The following LPP variants were observed in gnomAD, a reference collection of about 807,000 sequenced individuals.
LPP encodes lipoma-preferred partner.
A neutral mutation model predicts 60.4 loss-of-function variants in LPP; 38 were observed. The ratio of observed to expected loss-of-function variants is 0.63; its 90% CI spans 0.49 to 0.83. LPP has a LOEUF of 0.83. Among genes scored for constraint, LPP ranks in the 40% least tolerant of loss-of-function variants. The pLI is 0.00. For synonymous variants in LPP, 328 were observed against 290.8 expected (o/e 1.13, Z -1.30); for missense variants, 902 against 783.6 (o/e 1.15, Z -1.80).
chr3:188,328,200 A>G (rs1164110236), intron 2 of LPP, among the ~76,000 whole-genome samples: 1 of 152,174 alleles, frequency 6.6e-6, no homozygotes, highest in African/African-American at 2.4e-5. Context: ...TGGAATGTGA[A>G]ATCATATTAA....
At position 188,484,616 on chromosome 3, in the gene LPP, C is replaced by T. The variant is rs370834290; in HGVS notation, c.218C>T (p.Pro73Leu). 3 of 1,613,790 alleles carry T rather than the reference C, an allele frequency of 1.9e-6. No individual in the cohort carries two copies. Among genetic ancestry groups the T allele is most frequent in the Admixed American group, 3.3e-5 (2 of 60,022 alleles). ...GEGDFLPPPP[P>L]PLDDSSALPS... is the part of the protein sequence containing the mutation. Reference sequence around the variant, plus strand: ...GGTGATTTTCTTCCACCCCCACCTCCACCTCTAGATGATTCCAGTGCCCTT... The same window carrying T: ...GGTGATTTTCTTCCACCCCCACCTCTACCTCTAGATGATTCCAGTGCCCTT... The change falls in exon 5 of 12, where the codon CCA becomes CTA. Residue 73 changes from proline (P) to leucine (L), a missense_variant. Pro to Leu is a moderately conservative substitution (Grantham distance 98). Coordinates refer to ENST00000617246, the MANE Select transcript of LPP (RefSeq NM_001375462.1).
chr3:188,462,544 TTATATATATATATATATA>T (rs71167102), intron 4 of LPP, among the ~76,000 whole-genome samples: 1,106 of 34,214 alleles, frequency 0.032, 37 homozygotes, highest in Middle Eastern at 0.095. Flanking sequence ...TATATGAGCT[TTATATATATATATATATA>T]TATATATATA....
intron 6 of LPP, among the ~76,000 whole-genome samples, chr3:188,548,658 AAG>A (rs1827289077): frequency 6.6e-6 from 1 of 152,196 alleles, no homozygotes; most frequent in Non-Finnish European, 1.5e-5. Context: ...AAGAAGAGGA[AAG>A]AGAAGGCAGA....
At chr3:188,664,601 ATGTGTGTGTGTGTGTCTGTGTG>A (rs1560031131) in intron 7 of LPP, among the ~76,000 whole-genome samples, 1 of 150,804 alleles carries the variant, frequency 6.6e-6, no homozygotes, top group African/African-American at 2.4e-5. Flanking sequence ...ATATATGTGT[ATGTGTGTGTGTGTGTCTGTGTG>A]TGTGTGTGTG....
chr3:188,180,708 G>A (rs1026068055), intron 1 of LPP: 2 of 152,212 alleles, frequency 1.3e-5, no homozygotes, highest in Non-Finnish European at 2.9e-5. Flanking sequence ...ATGTGCATTT[G>A]CATTTTACTG....
At position 188,866,332 on chromosome 3, in the gene LPP, A is replaced by T. The variant is rs995610177; in HGVS notation, c.1543A>T (p.Thr515Ser). The change falls in exon 10 of 12, where the codon ACT becomes TCT. Residue 515 changes from threonine to serine, a missense_variant. Coordinates refer to ENST00000617246, the MANE Select transcript of LPP (RefSeq NM_001375462.1). ...CCGCAGCCTGGATGGGATCCCATTC[A>T]CTGTGGATGCTGGCGGGCTCATTCA... ...CHRSLDGIPF[T>S]VDAGGLIHCI... 6.3e-7 allele frequency: 1 copy of T among 1,579,290 alleles called. No individual in the cohort carries two copies. The highest frequency in any genetic ancestry group is 1.4e-5 in the African/African-American group (1 of 73,434).
chr3:188,219,921 A>G (rs1255448486), intron 1 of LPP, among the ~76,000 whole-genome samples: 1 of 152,212 alleles, frequency 6.6e-6, no homozygotes, highest in Non-Finnish European at 1.5e-5. Flanking sequence ...TTGGGAAGGG[A>G]ATAATCCTTG....
intron 7 of LPP, among the ~76,000 whole-genome samples, chr3:188,670,085 A>G (rs1342557393): frequency 6.6e-6 from 1 of 152,132 alleles, no homozygotes; most frequent in Non-Finnish European, 1.5e-5. Flanking sequence ...GAGGAACTTC[A>G]CACACCAGGG....
upstream of LPP, chr3:188,153,584 C>G (rs1715127369): frequency 6.6e-6 from 1 of 152,412 alleles, no homozygotes; most frequent in South Asian, 2.1e-4. Flanking sequence ...CCACATCTCC[C>G]TCTTTCTCTT....
chr3:188,701,598 A>G (rs2149593219), intron 7 of LPP, among the ~76,000 whole-genome samples: 1 of 152,340 alleles, frequency 6.6e-6, no homozygotes, highest in African/African-American at 2.4e-5. Context: ...AACTGCAAGG[A>G]GCATGGGAAA....
intron 4 of LPP, among the ~76,000 whole-genome samples, chr3:188,479,310 G>A (rs183725561): frequency 4.8e-4 from 73 of 152,296 alleles, no homozygotes; most frequent in Middle Eastern, 3.4e-3. Flanking sequence ...CTGCCAGCTA[G>A]CAGAAGCTAG....
At chr3:188,636,243 G>C (rs1273629721) in intron 7 of LPP, among the ~76,000 whole-genome samples, 1 of 152,222 alleles carries the variant, frequency 6.6e-6, no homozygotes, top group Non-Finnish European at 1.5e-5. Context: ...GCCTCACTCG[G>C]GAAGCGCAAG....
chr3:188,377,486 A>T (rs1033786360), intron 3 of LPP, among the ~76,000 whole-genome samples: 1 of 152,060 alleles, frequency 6.6e-6, no homozygotes, highest in Non-Finnish European at 1.5e-5. Flanking sequence ...CCTTTCTTCC[A>T]GTTGATCGCA....
intron 2 of LPP, among the ~76,000 whole-genome samples, chr3:188,299,611 C>G (rs1392924861): frequency 6.6e-6 from 1 of 152,110 alleles, no homozygotes; most frequent in Non-Finnish European, 1.5e-5. Context: ...GAATAGTCTC[C>G]CCGTCCCACT....
intron 1 of LPP, among the ~76,000 whole-genome samples, chr3:188,160,486 G>T (rs1339332615): frequency 6.6e-6 from 1 of 152,246 alleles, no homozygotes; most frequent in East Asian, 1.9e-4. Context: ...GAACCACTGT[G>T]CCCAGCCCTC....
intron 8 of LPP, among the ~76,000 whole-genome samples, chr3:188,737,427 G>A (rs1404968443): frequency 6.6e-6 from 1 of 152,134 alleles, no homozygotes; most frequent in African/African-American, 2.4e-5. Flanking sequence ...TGTCAACCCT[G>A]GTAGACAGGT....
chr3:188,753,790 T>C (rs1729020678), intron 8 of LPP, among the ~76,000 whole-genome samples: 1 of 152,162 alleles, frequency 6.6e-6, no homozygotes, highest in African/African-American at 2.4e-5. Flanking sequence ...TGTGAGTGTG[T>C]ATATGTATTT....
intron 7 of LPP, among the ~76,000 whole-genome samples, chr3:188,611,057 G>T (rs1580382693): frequency 6.6e-6 from 1 of 152,138 alleles, no homozygotes; most frequent in Non-Finnish European, 1.5e-5. Context: ...TCCTTATAGG[G>T]TATTTACTAA....
rs114955204 is a variant in LPP, at chr3:188,610,249, T to C, written c.1113+405T>C. ...TTGGACATTAAACAGGTCTGTAGTA[T>C]CTCAAGCCTCAGCAAGGGTAGTGAT... On this transcript the variant is annotated intron_variant, in intron 7 of 11. Coordinates refer to ENST00000617246, the MANE Select transcript of LPP (RefSeq NM_001375462.1). This position sits in a 1 kb window ranked among gnomAD's most constrained non-coding sequence, Gnocchi z 4.4. 4.7e-3 allele frequency among the ~76,000 whole-genome samples: 723 copies of C among 152,350 alleles called. 4 individuals are homozygous for C. The highest frequency in any genetic ancestry group is 0.016 in the African/African-American group (662 of 41,586).
Sources: gnomAD v4.1 joint callset for allele counts (sites outside exome capture counted in the v4.1 genomes callset) on GRCh38, gnomAD v4.1.1 for gene constraint, Gnocchi (gnomAD v3.1) non-coding constraint, MANE v1.5 for transcripts, NCBI Gene and HGNC (gene_info 2026-07-23, HGNC 2026-07-21) for gene names.